The following SUSD4 variants were observed in gnomAD, a reference collection of about 807,000 sequenced individuals.
The protein encoded by SUSD4 is sushi domain-containing protein 4.
SUSD4 carries 41 observed loss-of-function variants against 50.5 expected under a neutral mutation model. That is an observed-to-expected ratio of 0.81 (90% confidence interval 0.63 to 1.05). SUSD4 has a LOEUF of 1.05. SUSD4 is among the 50% of genes least tolerant of loss of function. The pLI is 0.00. For synonymous variants in SUSD4, 257 were observed against 257.3 expected, an observed-to-expected ratio of 1.00 and a Z score of 0.01; for missense variants, 580 against 634.7, an observed-to-expected ratio of 0.91 and a Z score of 0.93.
intron 5 of SUSD4, chr1:223,264,109 T>C (rs9442040): frequency 0.42 from 410,358 of 985,192 alleles, 87,512 homozygotes; most frequent in Non-Finnish European, 0.44. Context: ...ATACTACTGA[T>C]TAGTGGTCTT....
intron 5 of SUSD4, among the ~76,000 whole-genome samples, chr1:223,246,340 A>G (rs763686117): frequency 1.2e-4 from 19 of 152,148 alleles, no homozygotes; most frequent in Admixed American, 3.9e-4. Context: ...GCTTTGATAC[A>G]GTGGCAGAGG....
At chr1:223,264,239 A>T (rs540431027) in intron 5 of SUSD4, 2 of 985,464 alleles carry the variant, frequency 2.0e-6, no homozygotes, top group Non-Finnish European at 2.4e-6. Flanking sequence ...CATAAAGTGC[A>T]TGGAAATATG....
intron 2 of SUSD4, among the ~76,000 whole-genome samples, chr1:223,351,298 G>A (rs1035462560): frequency 1.3e-5 from 2 of 152,238 alleles, no homozygotes; most frequent in Non-Finnish European, 1.5e-5. Context: ...AGGATATGAG[G>A]GAGCACAACA....
At chr1:223,345,329 G>A (rs1667970486) in intron 2 of SUSD4, among the ~76,000 whole-genome samples, 1 of 152,188 alleles carries the variant, frequency 6.6e-6, no homozygotes, top group Non-Finnish European at 1.5e-5. Context: ...CAATCTCTGT[G>A]AATATTCTCT....
chr1:223,236,693 A>T (rs908736864), intron 5 of SUSD4, among the ~76,000 whole-genome samples: 2 of 151,852 alleles, frequency 1.3e-5, no homozygotes, highest in Non-Finnish European at 2.9e-5. Flanking sequence ...TAGGCTCTCT[A>T]TTGTGTTCCA....
At chr1:223,257,215 G>C (rs992288584) in intron 5 of SUSD4, among the ~76,000 whole-genome samples, 2 of 152,130 alleles carry the variant, frequency 1.3e-5, no homozygotes, top group East Asian at 3.9e-4. Flanking sequence ...CAAGAATGTA[G>C]ATGACGGGCT....
rs560175124 is a variant in SUSD4, at chr1:223,258,297, G to T, written c.724+6333C>A. Among the ~76,000 whole-genome samples, 25 of 152,318 alleles carry T rather than the reference G, an allele frequency of 1.6e-4. No homozygotes were observed. In the Middle Eastern group the frequency reaches 0.01, roughly 62 times the overall value. On this transcript the variant is annotated intron_variant, in intron 5 of 8. Coordinates refer to ENST00000366878, the MANE Select transcript of SUSD4 (RefSeq NM_017982.4). ...CACATCCAAGCTGGCTTTGAGTTTT[G>T]ATCCCAAATTGGAACCTTTCAAGTC...
chr1:223,309,669 G>A lies in SUSD4; in HGVS notation c.149-17018C>T, dbSNP rs184190949. Among the ~76,000 whole-genome samples, 521 of 152,344 alleles carry A rather than the reference G, an allele frequency of 3.4e-3. 2 individuals are homozygous for A. The highest frequency in any genetic ancestry group is 6.2e-3 in the Non-Finnish European group (420 of 68,028). ...CTCCAAACTAAGCATCAATCCTGGT[G>A]TGTAAGTTTGGTGTGAACAGGTATG... On this transcript the variant is annotated intron_variant, in intron 2 of 8. Coordinates refer to ENST00000366878, the MANE Select transcript of SUSD4 (RefSeq NM_017982.4).
At chr1:223,340,103 G>A (rs951967684) in intron 2 of SUSD4, among the ~76,000 whole-genome samples, 35 of 152,104 alleles carry the variant, frequency 2.3e-4, no homozygotes, top group African/African-American at 7.0e-4. Flanking sequence ...AAGACCACAC[G>A]CAGCCAAATC....
intron 3 of SUSD4, among the ~76,000 whole-genome samples, chr1:223,270,333 GCGAAAGAGTGC>G (rs1191352011): frequency 6.6e-6 from 1 of 152,132 alleles, no homozygotes; most frequent in Non-Finnish European, 1.5e-5. Context: ...CACACACCTG[GCGAAAGAGTGC>G]CGAAAGGAGT....
At chr1:223,337,230 C>T (rs1461496093) in intron 2 of SUSD4, among the ~76,000 whole-genome samples, 1 of 152,082 alleles carries the variant, frequency 6.6e-6, no homozygotes, top group Non-Finnish European at 1.5e-5. Context: ...GAAATGAATG[C>T]CACCTTGCAG....
intron 5 of SUSD4, among the ~76,000 whole-genome samples, chr1:223,257,579 G>C (rs887643238): frequency 2.6e-5 from 4 of 152,164 alleles, no homozygotes; most frequent in Non-Finnish European, 4.4e-5. Flanking sequence ...AGGAGAAAGG[G>C]AAATTGGTGA....
At chr1:223,349,387 C>T (rs2103323313) in intron 2 of SUSD4, among the ~76,000 whole-genome samples, 1 of 152,284 alleles carries the variant, frequency 6.6e-6, no homozygotes, top group Non-Finnish European at 1.5e-5. Flanking sequence ...TGGCCTGGGG[C>T]ACCACTTGCA....
intron 5 of SUSD4, among the ~76,000 whole-genome samples, chr1:223,261,846 T>G (rs1029854885): frequency 3.3e-5 from 5 of 152,240 alleles, no homozygotes; most frequent in African/African-American, 1.2e-4. Flanking sequence ...TACTATGGGC[T>G]GGGCACTTCA....
chr1:223,249,410 A>G (rs189561614), intron 5 of SUSD4, among the ~76,000 whole-genome samples: 2 of 152,358 alleles, frequency 1.3e-5, no homozygotes, highest in East Asian at 3.9e-4. Flanking sequence ...ACTGGACCAA[A>G]GTGCCACACA....
intron 3 of SUSD4, among the ~76,000 whole-genome samples, chr1:223,279,173 C>T (rs975487928): frequency 6.6e-6 from 1 of 152,222 alleles, no homozygotes; most frequent in African/African-American, 2.4e-5. Flanking sequence ...ACCTCTCCCC[C>T]TCCAAAGGAA....
chr1:223,303,873 T>C (rs548897262), intron 2 of SUSD4, among the ~76,000 whole-genome samples: 1 of 152,330 alleles, frequency 6.6e-6, no homozygotes, highest in African/African-American at 2.4e-5. Flanking sequence ...AGTGTGTGCA[T>C]CAGTAATTTC....
At position 223,228,495 on chromosome 1, in the gene SUSD4, A is replaced by G. The variant is rs185186335; in HGVS notation, c.916+702T>C. 5.0e-3 allele frequency among the ~76,000 whole-genome samples: 754 copies of G among 152,228 alleles called. 9 individuals are homozygous for G. Among genetic ancestry groups the G allele is most frequent in the African/African-American group, 0.017 (710 of 41,510 alleles). On this transcript the variant is annotated intron_variant, in intron 6 of 8. Transcript: ENST00000366878. ...GCATCCCCAGCCTGGAAAGGGCTGG[A>G]GAGAGTGGGAAGGAGACAGTGGGTG...
chr1:223,222,122 G>A lies in SUSD4; in HGVS notation c.*70C>T. ...TTTTGCCCCCAGGCTCTATCCTTCT[G>A]TGACCTCACTCCAAGATACAAGGTC... is the stretch of plus-strand genomic sequence containing the variant. On this transcript the variant is annotated 3_prime_UTR_variant, in exon 9 of 9. Transcript: ENST00000366878. 2 of 1,548,368 alleles carry A rather than the reference G, an allele frequency of 1.3e-6. No homozygotes were observed. Among genetic ancestry groups the A allele is most frequent in the Non-Finnish European group, 1.8e-6 (2 of 1,132,124 alleles).
Sources: allele counts gnomAD v4.1 joint callset (sites outside exome capture counted in the v4.1 genomes callset), GRCh38; gene constraint gnomAD v4.1.1; transcripts MANE v1.5; gene names NCBI Gene and HGNC (gene_info 2026-07-23, HGNC 2026-07-21).